Variants in HOXA10 observed in about 807,000 individuals in gnomAD.
HOXA10 encodes homeobox protein Hox-A10.
In HOXA10, 12 loss-of-function variants were observed where a neutral mutation model predicts 29.7. That is an observed-to-expected ratio of 0.40 (90% confidence interval 0.26 to 0.65). The LOEUF is 0.65. Ranked by LOEUF, HOXA10 falls within the 30% of genes least tolerant of loss-of-function variation. The pLI is 0.37. For synonymous variants in HOXA10, 327 were observed against 280.7 expected, an observed-to-expected ratio of 1.16 and a Z score of -1.65; for missense variants, 656 against 585.9, an observed-to-expected ratio of 1.12 and a Z score of -1.24.
chr7:27,179,801 G>C, exon 1 of HOXA10: 1 of 703,824 alleles, frequency 1.4e-6, no homozygotes, highest in East Asian at 2.7e-5. Flanking sequence ...AGCGGGACAA[G>C]TGAAATAATG....
intron 1 of HOXA10, chr7:27,172,562 A>G: frequency 3.6e-6 from 1 of 279,554 alleles, no homozygotes; most frequent in South Asian, 3.7e-5. Context: ...CGGGGTGCTT[A>G]CTTGGAAGAT....
Position 27,170,757 on chromosome 7 carries a change from C to G in HOXA10, c.*1142G>C. The G allele has an allele frequency of 2.2e-6, 1 of 449,384 alleles. No individual in the cohort carries two copies. Among genetic ancestry groups the G allele is most frequent in the South Asian group, 1.6e-5 (1 of 62,366 alleles). 27.8% of individuals were successfully genotyped at this position (449,384 alleles called of 1,614,324 possible). On this transcript the variant is annotated 3_prime_UTR_variant, in exon 2 of 2. Transcript: ENST00000283921. ...AACGATAGAATGCATTTGCTTAAAACAAGATTGGCAATTCTTCATAATAAT... is the reference window on the plus strand; with the variant it reads ...AACGATAGAATGCATTTGCTTAAAAGAAGATTGGCAATTCTTCATAATAAT...
chr7:27,176,438 C>A (rs1783655929), upstream of HOXA10, among the ~76,000 whole-genome samples: 1 of 152,258 alleles, frequency 6.6e-6, no homozygotes, highest in Non-Finnish European at 1.5e-5. Flanking sequence ...TTTAGCTTCC[C>A]GGATCTGCCT....
upstream of HOXA10, among the ~76,000 whole-genome samples, chr7:27,177,320 C>A (rs142484750): frequency 6.6e-6 from 1 of 152,212 alleles, no homozygotes; most frequent in African/African-American, 2.4e-5. Context: ...TGGGCTTGAG[C>A]TCCTTCTGGC....
At chr7:27,176,735 G>A (rs1783660247), upstream of HOXA10, among the ~76,000 whole-genome samples, 1 of 152,228 alleles carries the variant, frequency 6.6e-6, no homozygotes, top group Admixed American at 6.5e-5. Flanking sequence ...CGACATCTGG[G>A]AAGGTCCAGT....
chr7:27,172,620 A>T (rs547289121), intron 1 of HOXA10: 1 of 218,350 alleles, frequency 4.6e-6, no homozygotes, highest in Non-Finnish European at 9.2e-6. Context: ...ATTGCCCAAG[A>T]CTCGATAAGG....
chr7:27,179,225 G>C (rs1783706925), upstream of HOXA10, among the ~76,000 whole-genome samples: 1 of 151,980 alleles, frequency 6.6e-6, no homozygotes, highest in South Asian at 2.1e-4. Flanking sequence ...TTCTGCCCCT[G>C]GGAATAAGCT....
chr7:27,173,562 C>T lies in HOXA10; in HGVS notation c.745G>A (p.Gly249Ser), dbSNP rs959282241. The T allele has an allele frequency of 2.1e-6, 3 of 1,461,192 alleles. No individual in the cohort carries two copies. The highest frequency in any genetic ancestry group is 1.5e-5 in the African/African-American group (1 of 66,946). The allele number at this position is 1,461,192 out of a possible 1,614,324, so 90.5% of individuals were successfully genotyped here. A position where few individuals can be genotyped will look rare whatever the true frequency, so the allele number is the denominator to read the frequency against. ...GCTAGCGCGGGCGGGAGATCGAAAC[C>T]GCGCCCCGGGGGCTGCGCGGGGAAC... ...GPFPAQPPGRGFDLPPALASG... is the reference protein window; with the variant it reads ...GPFPAQPPGRSFDLPPALASG... The change falls in exon 1 of 2, where the codon GGT becomes AGT. Residue 249 changes from glycine to serine, a missense_variant. Coordinates refer to ENST00000283921, the MANE Select transcript of HOXA10 (RefSeq NM_018951.4).
chr7:27,172,346 C>T (rs755161525), intron 1 of HOXA10, 173 bp from the exon 2 acceptor site: 10 of 649,164 alleles, frequency 1.5e-5, no homozygotes, highest in Non-Finnish European at 2.4e-5. Context: ...AAAGTCATGA[C>T]AAAAATTGAG....
At chr7:27,177,314 C>G (rs774449872), upstream of HOXA10, among the ~76,000 whole-genome samples, 5 of 152,276 alleles carry the variant, frequency 3.3e-5, no homozygotes, top group Non-Finnish European at 4.4e-5. Flanking sequence ...GGATGTTGGG[C>G]TTGAGCTCCT....
chr7:27,175,139 C>T (rs1270781075), upstream of HOXA10: 1 of 152,224 alleles, frequency 6.6e-6, no homozygotes, highest in Non-Finnish European at 1.5e-5. Flanking sequence ...GACGGCCCCA[C>T]TCCCACTCCC....
At chr7:27,179,858 T>G (rs1185653572) in exon 1 of HOXA10, 1 of 692,052 alleles carries the variant, frequency 1.4e-6, no homozygotes, top group African/African-American at 1.8e-5. Context: ...CCAAGAATCA[T>G]GCTGGGGTTC....
At chr7:27,175,270 G>A (rs1783632787), upstream of HOXA10, 1 of 152,352 alleles carries the variant, frequency 6.6e-6, no homozygotes, top group Admixed American at 6.5e-5. Flanking sequence ...TGAGAGACTT[G>A]GAGGGGTGTG....
Position 27,174,151 on chromosome 7 carries a change from G to T in HOXA10, c.156C>A (p.Gly52=). 6.3e-7 allele frequency: 1 copy of T among 1,595,944 alleles called. No individual in the cohort carries two copies. The highest frequency in any genetic ancestry group is 8.5e-7 in the Non-Finnish European group (1 of 1,178,802). The stretch of plus-strand genomic sequence containing the variant: ...CGTGGGCGTAGTAACCGCCACCGCC[G>T]CCGCCCCCCGCGCCACCACCACCGC... The part of the protein sequence containing the change: ...AGGGGGGAGG[G]GGGGYYAHGG... Residue 52 remains glycine, a synonymous_variant, in exon 1 of 2, where the codon GGC becomes GGA. Coordinates refer to ENST00000283921, the MANE Select transcript of HOXA10 (RefSeq NM_018951.4).
Position 27,170,779 on chromosome 7 carries a change from T to A in HOXA10, c.*1120A>T. 2.2e-6 allele frequency: 1 copy of A among 451,154 alleles called. No individual in the cohort carries two copies. The highest frequency in any genetic ancestry group is 4.4e-6 in the Non-Finnish European group (1 of 226,304). 27.9% of individuals were successfully genotyped at this position (451,154 alleles called of 1,614,324 possible). On this transcript the variant is annotated 3_prime_UTR_variant, in exon 2 of 2. Transcript: ENST00000283921. The stretch of plus-strand genomic sequence containing the variant: ...AAACAAGATTGGCAATTCTTCATAA[T>A]AATAGACATTTATACAGATTTGTAT...
At chr7:27,173,193 G>A (rs1783547593) in intron 1 of HOXA10, among the ~76,000 whole-genome samples, 156 bp downstream of exon 1, 1 of 152,258 alleles carries the variant, frequency 6.6e-6, no homozygotes, top group African/African-American at 2.4e-5. Flanking sequence ...GCGTCCCCAC[G>A]CCCAAATATT....
chr7:27,173,652 C>T lies in HOXA10; in HGVS notation c.655G>A (p.Ala219Thr). 6.5e-7 allele frequency: 1 copy of T among 1,547,726 alleles called. No individual in the cohort carries two copies. Among genetic ancestry groups the T allele is most frequent in the East Asian group, 2.5e-5 (1 of 40,752 alleles). Residue 219 changes from alanine (A) to threonine (T), a missense_variant, in exon 1 of 2, where the codon GCC becomes ACC. Ala to Thr is a moderately conservative substitution (Grantham distance 58). Coordinates refer to ENST00000283921, the MANE Select transcript of HOXA10 (RefSeq NM_018951.4). ...PVPGYFRLSQ[A>T]YGTAKGYGSG... ...CCATAGCCCTTGGCGGTGCCGTAGG[C>T]CTGAGAAAGGCGGAAGTAGCCAGGC...
chr7:27,174,387 T>C, upstream of HOXA10: 1 of 1,570,406 alleles, frequency 6.4e-7, no homozygotes, highest in South Asian at 1.1e-5. Flanking sequence ...CGAGCCAGAG[T>C]TTCCGCGCGA....
chr7:27,179,248 C>T (rs991378987), upstream of HOXA10, among the ~76,000 whole-genome samples: 6 of 152,014 alleles, frequency 3.9e-5, no homozygotes, highest in South Asian at 2.1e-4. Flanking sequence ...CCTTAGCGGC[C>T]GCAGACTTCT....
Sources: gnomAD v4.1 joint callset for allele counts (sites outside exome capture counted in the v4.1 genomes callset) on GRCh38, gnomAD v4.1.1 for gene constraint, MANE v1.5 for transcripts, NCBI Gene and HGNC (gene_info 2026-07-23, HGNC 2026-07-21) for gene names.